Variants in DCN observed in about 807,000 individuals in gnomAD.
DCN encodes the protein decorin.
A neutral mutation model predicts 36.5 loss-of-function variants in DCN; 17 were observed. The ratio of observed to expected loss-of-function variants is 0.47; its 90% CI spans 0.32 to 0.70. The LOEUF (loss-of-function observed/expected upper bound fraction) is 0.70, where lower values mean the gene tolerates loss of function less well. Ranked by LOEUF, DCN falls within the 30% of genes least tolerant of loss-of-function variation. The pLI, the probability that DCN is intolerant of heterozygous loss-of-function variation, is 0.04. For missense variants in DCN, 389 were observed against 430.1 expected (o/e 0.90, Z 0.84); for synonymous variants, 163 against 161.4 (o/e 1.01, Z -0.07).
intron 2 of DCN, among the ~76,000 whole-genome samples, chr12:91,167,399 A>T (rs1882638133): frequency 7.8e-6 from 1 of 128,446 alleles, no homozygotes. Context: ...ATATCAAAAT[A>T]AAAAAAAAAC....
intron 1 of DCN, chr12:91,179,208 T>A (rs1390251157): frequency 1.9e-5 from 3 of 158,674 alleles, no homozygotes; most frequent in Non-Finnish European, 4.2e-5. Flanking sequence ...CTATGGCTTA[T>A]CAATACTGTC....
intron 2 of DCN, among the ~76,000 whole-genome samples, chr12:91,165,309 AT>A (rs1882484826): frequency 6.6e-6 from 1 of 152,302 alleles, no homozygotes; most frequent in East Asian, 1.9e-4. Flanking sequence ...TTCAGTTGAT[AT>A]TTTATGACCA....
chr12:91,168,542 C>A (rs1161457125), intron 2 of DCN, among the ~76,000 whole-genome samples: 1 of 152,078 alleles, frequency 6.6e-6, no homozygotes, highest in Admixed American at 6.6e-5. Context: ...ACAAGAAGTG[C>A]CTTTCTGATT....
intron 2 of DCN, among the ~76,000 whole-genome samples, chr12:91,170,551 A>G (rs781004999): frequency 5.3e-5 from 8 of 152,234 alleles, no homozygotes; most frequent in Non-Finnish European, 5.9e-5. Context: ...ATGATCCCCA[A>G]TGAGTAATTA....
rs530573244 is a variant in DCN at position 91,158,805 on chromosome 12, T to C, written c.325-296A>G. Reference sequence around the variant, plus strand: ...GGCGAAATCCCGTCTGTATCAAAAATACAAAAATTAGCTGGGCGTGGTGGT... The same window carrying C: ...GGCGAAATCCCGTCTGTATCAAAAACACAAAAATTAGCTGGGCGTGGTGGT... On this transcript the variant is annotated intron_variant, in intron 3 of 7. Coordinates refer to ENST00000052754, the MANE Select transcript of DCN (RefSeq NM_001920.5). Among the ~76,000 whole-genome samples the C allele has an allele frequency of 9.2e-5, 14 of 152,106 alleles. 1 individual carries two copies. In the South Asian group the frequency reaches 2.9e-3, roughly 32 times the overall value.
At position 91,161,356 on chromosome 12, in the gene DCN, G is replaced by T. The variant is rs3138299; in HGVS notation, c.325-2847C>A. ...CCAAGTATACTTAAATGTACAGGAAGTTGAGATGACAGTAAGAATGTTTCA... is the reference window on the plus strand; with the variant it reads ...CCAAGTATACTTAAATGTACAGGAATTTGAGATGACAGTAAGAATGTTTCA... On this transcript the variant is annotated intron_variant, in intron 3 of 7. Coordinates refer to ENST00000052754, the MANE Select transcript of DCN (RefSeq NM_001920.5). Among the ~76,000 whole-genome samples, 940 of 152,300 alleles carry T rather than the reference G, an allele frequency of 6.2e-3. 4 individuals are homozygous for T. Among genetic ancestry groups the T allele is most frequent in the Non-Finnish European group, 0.011 (725 of 68,022 alleles).
Position 91,158,406 on chromosome 12 carries a change from T to C in DCN, c.428A>G (p.Glu143Gly). The change falls in exon 4 of 8, where the codon GAA becomes GGA. Residue 143 changes from glutamate to glycine, a missense_variant. Transcript: ENST00000052754. ...RLYLSKNQLK[E>G]LPEKMPKTLQ... ...AGTTTTGGGCATTTTTTCTGGCAAT[T>C]CCTTCAGCTGATTCTTGGACAGATA... The C allele has an allele frequency of 6.2e-7, 1 of 1,611,432 alleles. No homozygotes were observed. The highest frequency in any genetic ancestry group is 8.5e-7 in the Non-Finnish European group (1 of 1,177,528).
intron 2 of DCN, among the ~76,000 whole-genome samples, chr12:91,169,022 CAATT>C (rs3138201): frequency 0.35 from 53,648 of 151,734 alleles, 10,210 homozygotes; most frequent in South Asian, 0.54. Flanking sequence ...CAAAAACAAA[CAATT>C]AATCCTGAAT....
At chr12:91,149,730 A>G (rs1297250559) in intron 7 of DCN, among the ~76,000 whole-genome samples, 1 of 152,222 alleles carries the variant, frequency 6.6e-6, no homozygotes, top group East Asian at 1.9e-4. Context: ...TGCAACTAAA[A>G]ACAAATTTGG....
Position 91,158,368 on chromosome 12 carries a change from G to T in DCN, c.466C>A (p.Arg156Ser), listed in dbSNP as rs771153948. 6.2e-7 allele frequency: 1 copy of T among 1,613,394 alleles called. No individual in the cohort carries two copies. Among genetic ancestry groups the T allele is most frequent in the East Asian group, 2.2e-5 (1 of 44,858 alleles). Residue 156 changes from arginine (R) to serine (S), a missense_variant, in exon 4 of 8, where the codon CGT becomes AGT. Physicochemically the swap from Arg to Ser is moderately radical, Grantham distance 110 (BLOSUM62 -1). Transcript: ENST00000052754. ...EKMPKTLQEL[R>S]AHENEITKVR... ...TTGGTGATCTCATTCTCATGGGCAC[G>T]CAGCTCCTGAAGAGTTTTGGGCATT...
chr12:91,158,951 G>C (rs1881981327), intron 3 of DCN, among the ~76,000 whole-genome samples: 1 of 149,790 alleles, frequency 6.7e-6, no homozygotes, highest in Non-Finnish European at 1.5e-5. Flanking sequence ...GACTGGGAAA[G>C]ATTGTCTCAA....
chr12:91,160,332 T>C (rs773584289), intron 3 of DCN, among the ~76,000 whole-genome samples: 93 of 152,018 alleles, frequency 6.1e-4, no homozygotes, highest in Non-Finnish European at 1.0e-3. Flanking sequence ...GAAAGTGTGA[T>C]ATAATTAGAT....
At chr12:91,169,231 T>C (rs535841060) in intron 2 of DCN, among the ~76,000 whole-genome samples, 5 of 151,542 alleles carry the variant, frequency 3.3e-5, no homozygotes, top group Non-Finnish European at 7.4e-5. Context: ...ACCCCATCTT[T>C]ACAAAAAATT....
intron 2 of DCN, chr12:91,177,898 T>C: frequency 2.1e-6 from 1 of 467,160 alleles, no homozygotes; most frequent in Middle Eastern, 6.3e-4. Context: ...AATTTAGTAA[T>C]GTTGAAACTC....
intron 3 of DCN, among the ~76,000 whole-genome samples, chr12:91,163,467 T>C (rs748750809): frequency 7.2e-5 from 11 of 152,156 alleles, no homozygotes; most frequent in Admixed American, 1.3e-4. Context: ...AGCTCTCCCA[T>C]GGCTCTGAGA....
At chr12:91,181,913 GCCACAGGTATTTACATCACTGGGAGC>G (rs1208086839) in intron 1 of DCN, among the ~76,000 whole-genome samples, 2 of 148,822 alleles carry the variant, frequency 1.3e-5, no homozygotes, top group African/African-American at 2.5e-5. Context: ...AAAAAAAAAA[GCCACAGGTATTTACATCACTGGGAGC>G]CCACTTAATC....
intron 2 of DCN, among the ~76,000 whole-genome samples, chr12:91,173,152 T>C (rs1028652252): frequency 6.6e-6 from 1 of 152,154 alleles, no homozygotes; most frequent in African/African-American, 2.4e-5. Context: ...GTAATCTTTT[T>C]CCACTCTTTT....
intron 3 of DCN, among the ~76,000 whole-genome samples, chr12:91,162,668 C>A (rs1266855107): frequency 1.3e-5 from 2 of 152,114 alleles, no homozygotes; most frequent in African/African-American, 4.8e-5. Flanking sequence ...ACTCTAATCT[C>A]CACAGGCAGG....
At chr12:91,164,537 T>G (rs1043985896) in intron 3 of DCN, 68 bp downstream of exon 3, 1 of 824,234 alleles carries the variant, frequency 1.2e-6, no homozygotes, top group Non-Finnish European at 2.1e-6. Context: ...CTTGGCCTTA[T>G]CTAGGTAGTG....
Sources: allele counts gnomAD v4.1 joint callset (sites outside exome capture counted in the v4.1 genomes callset), GRCh38; gene constraint gnomAD v4.1.1; transcripts MANE v1.5; gene names NCBI Gene and HGNC (gene_info 2026-07-23, HGNC 2026-07-21).